The following DCTN6 variants were observed in gnomAD, a reference collection of about 807,000 sequenced individuals.
DCTN6 encodes dynactin subunit 6.
DCTN6 carries 15 observed loss-of-function variants against 25.8 expected under a neutral mutation model. The observed-to-expected ratio is 0.58, with a 90% CI of 0.39 to 0.89. The LOEUF (loss-of-function observed/expected upper bound fraction) is 0.89. DCTN6 is among the 40% of genes least tolerant of loss of function. The probability of loss-of-function intolerance (pLI) is 0.00; values close to 1 mark genes in which losing one functional copy is unlikely to be tolerated. For synonymous variants in DCTN6, 64 were observed against 78.3 expected, an observed-to-expected ratio of 0.82 and a Z score of 0.96; for missense variants, 198 against 237.6, an observed-to-expected ratio of 0.83 and a Z score of 1.09.
chr8:30,159,974 C>A (rs543921260), intron 1 of DCTN6, among the ~76,000 whole-genome samples: 5 of 152,152 alleles, frequency 3.3e-5, no homozygotes, highest in African/African-American at 4.8e-5. Flanking sequence ...GTGACCCAGG[C>A]TGGTTTTGGT....
chr8:30,182,818 C>G (rs1803927535), intron 6 of DCTN6, among the ~76,000 whole-genome samples: 1 of 151,964 alleles, frequency 6.6e-6, no homozygotes, highest in African/African-American at 2.4e-5. Flanking sequence ...CCCCTGCCGC[C>G]CTGCTTCCAC....
intron 2 of DCTN6, among the ~76,000 whole-genome samples, chr8:30,166,936 A>G (rs1803684232): frequency 6.6e-6 from 1 of 151,826 alleles, no homozygotes; most frequent in Non-Finnish European, 1.5e-5. Context: ...AAAGAAAGAC[A>G]AAAAGAGAGA....
At position 30,183,185 on chromosome 8, in the gene DCTN6, A is replaced by G; in HGVS notation, c.*12A>G. On this transcript the variant is annotated 3_prime_UTR_variant, in exon 7 of 7. Transcript: ENST00000221114. ...CAGTAAAGAACTAAGAACAGTGTAT[A>G]ACATGAAGATAACATTTTGTCTTTG... 6 of 1,607,392 alleles carry G rather than the reference A, an allele frequency of 3.7e-6. No individual in the cohort carries two copies. The highest frequency in any genetic ancestry group is 5.1e-6 in the Non-Finnish European group (6 of 1,174,610).
At chr8:30,158,553 T>C (rs930150431) in intron 1 of DCTN6, among the ~76,000 whole-genome samples, 4 of 152,144 alleles carry the variant, frequency 2.6e-5, no homozygotes, top group African/African-American at 9.7e-5. Context: ...TGAACTCTGC[T>C]CCAAGAAATT....
chr8:30,166,491 A>C (rs1365715790), intron 2 of DCTN6, among the ~76,000 whole-genome samples: 1 of 152,072 alleles, frequency 6.6e-6, no homozygotes, highest in East Asian at 1.9e-4. Flanking sequence ...GTCTACTATA[A>C]GATAGGTATG....
At chr8:30,183,049 C>G (rs767707593) in intron 6 of DCTN6, 26 bp from the exon 7 acceptor site, 2 of 1,604,130 alleles carry the variant, frequency 1.2e-6, no homozygotes, top group South Asian at 2.2e-5. Flanking sequence ...TTCTGCCAAT[C>G]GGCCTTAATT....
Position 30,180,518 on chromosome 8 carries a change from G to A in DCTN6, c.362G>A (p.Ser121Asn). ...GTAGGCAGAAATGTAATATTGACAAGTGGCTGCATCATTGGGGCTTGTTGC... is the reference window on the plus strand; with the variant it reads ...GTAGGCAGAAATGTAATATTGACAAATGGCTGCATCATTGGGGCTTGTTGC... The part of the protein sequence containing the change: ...AYVGRNVILT[S>N]GCIIGACCNL... The change falls in exon 6 of 7, where the codon AGT (serine) becomes AAT (asparagine). Residue 121 changes from serine (S) to asparagine (N), a missense_variant. Coordinates refer to ENST00000221114, the MANE Select transcript of DCTN6 (RefSeq NM_006571.4). The A allele has an allele frequency of 6.2e-7, 1 of 1,613,794 alleles. No individual in the cohort carries two copies. Among genetic ancestry groups the A allele is most frequent in the South Asian group, 1.1e-5 (1 of 90,984 alleles).
intron 2 of DCTN6, among the ~76,000 whole-genome samples, chr8:30,172,686 C>T (rs899585206): frequency 2.6e-5 from 4 of 152,138 alleles, no homozygotes; most frequent in African/African-American, 2.4e-5. Flanking sequence ...CTCCTGACCT[C>T]AAGTGATCCA....
intron 1 of DCTN6, among the ~76,000 whole-genome samples, chr8:30,162,816 CAG>C (rs1803614333): frequency 1.3e-5 from 2 of 152,034 alleles, no homozygotes; most frequent in African/African-American, 4.8e-5. Context: ...TGAGAGTAAA[CAG>C]AAACATTTGT....
chr8:30,182,182 G>A (rs1186008113), intron 6 of DCTN6, among the ~76,000 whole-genome samples: 1 of 152,144 alleles, frequency 6.6e-6, no homozygotes, highest in Admixed American at 6.6e-5. Context: ...TTTATAATAT[G>A]CCTAAATTTC....
chr8:30,164,110 G>A lies in DCTN6; in HGVS notation c.24-1G>A, dbSNP rs757405420. On this transcript the variant is annotated splice_acceptor_variant, in intron 1 of 6. Coordinates refer to ENST00000221114, the MANE Select transcript of DCTN6 (RefSeq NM_006571.4). LOFTEE classifies it high-confidence loss of function. Reference sequence around the variant, plus strand: ...TAAATGTTACCTTTTTCTTGCTACAGTGTGAAGATTGCTCCTGGAGCAGTT... The same window carrying A: ...TAAATGTTACCTTTTTCTTGCTACAATGTGAAGATTGCTCCTGGAGCAGTT... 6.8e-6 allele frequency: 11 copies of A among 1,613,176 alleles called. No individual in the cohort carries two copies. The highest frequency in any genetic ancestry group is 2.2e-5 in the East Asian group (1 of 44,868).
chr8:30,166,155 C>T (rs1028729422), intron 2 of DCTN6, among the ~76,000 whole-genome samples: 2 of 152,040 alleles, frequency 1.3e-5, no homozygotes, highest in African/African-American at 4.8e-5. Context: ...TAGTAGTTTG[C>T]AATGCATTCT....
At chr8:30,160,325 C>T (rs1803580340) in intron 1 of DCTN6, among the ~76,000 whole-genome samples, 1 of 152,166 alleles carries the variant, frequency 6.6e-6, no homozygotes, top group East Asian at 1.9e-4. Flanking sequence ...AAGGGGCTTC[C>T]CCCTTCACTG....
At position 30,180,569 on chromosome 8, in the gene DCTN6, C is replaced by A. The variant is rs768852130; in HGVS notation, c.413C>A (p.Pro138His). ...CCNLNTFEVI[P>H]ENTVIYGADC... ...AACCTAAATACATTTGAAGTCATCC[C>A]TGAGAATACGGTGATCTATGGTGCA... Residue 138 changes from proline (P) to histidine (H), a missense_variant, in exon 6 of 7, where the codon CCT becomes CAT. Coordinates refer to ENST00000221114, the MANE Select transcript of DCTN6 (RefSeq NM_006571.4). The A allele has an allele frequency of 1.8e-5, 29 of 1,614,048 alleles. No homozygotes were observed. The highest frequency in any genetic ancestry group is 2.3e-5 in the Non-Finnish European group (27 of 1,179,998).
chr8:30,158,918 A>C (rs1223804286), intron 1 of DCTN6, among the ~76,000 whole-genome samples: 3 of 151,518 alleles, frequency 2.0e-5, no homozygotes, highest in Non-Finnish European at 4.4e-5. Context: ...AGTAGCTGGG[A>C]CTACAGGCAC....
At chr8:30,164,420 G>T (rs1452343639) in intron 2 of DCTN6, among the ~76,000 whole-genome samples, 3 of 152,320 alleles carry the variant, frequency 2.0e-5, no homozygotes, top group African/African-American at 7.2e-5. Flanking sequence ...ATTTAAGAGA[G>T]ATCTGTTGTG....
chr8:30,178,608 C>T (rs1433660218), intron 4 of DCTN6, among the ~76,000 whole-genome samples: 2 of 151,586 alleles, frequency 1.3e-5, no homozygotes, highest in Non-Finnish European at 2.9e-5. Flanking sequence ...GAGCATAAAA[C>T]CACTAGGAGC....
intron 6 of DCTN6, 94 bp downstream of exon 6, chr8:30,180,724 G>A (rs1000498751): frequency 7.1e-7 from 1 of 1,405,248 alleles, no homozygotes; most frequent in Non-Finnish European, 9.6e-7. Context: ...CACTATTTAA[G>A]AACATAATTA....
chr8:30,176,192 T>C (rs969263958), intron 3 of DCTN6, among the ~76,000 whole-genome samples: 22 of 152,352 alleles, frequency 1.4e-4, no homozygotes, highest in African/African-American at 5.1e-4. Context: ...AGCTAGCATC[T>C]TCTTTCCTTT....
Sources: allele counts gnomAD v4.1 joint callset (sites outside exome capture counted in the v4.1 genomes callset), GRCh38; gene constraint gnomAD v4.1.1; transcripts MANE v1.5; gene names NCBI Gene and HGNC (gene_info 2026-07-23, HGNC 2026-07-21).